Variants in USP31 observed in about 807,000 individuals in gnomAD.
USP31 encodes the protein ubiquitin carboxyl-terminal hydrolase 31.
A neutral mutation model predicts 119.4 loss-of-function variants in USP31; 44 were observed. The ratio of observed to expected loss-of-function variants is 0.37; its 90% CI spans 0.29 to 0.47. The LOEUF (loss-of-function observed/expected upper bound fraction) is 0.47, where lower values mean the gene tolerates loss of function less well. USP31 is among the 20% of genes least tolerant of loss of function. USP31 has a pLI of 0.99. For synonymous variants in USP31, 749 were observed against 705.6 expected, an observed-to-expected ratio of 1.06 and a Z score of -0.97; for missense variants, 1,643 against 1,730.2, an observed-to-expected ratio of 0.95 and a Z score of 0.89.
intron 15 of USP31, among the ~76,000 whole-genome samples, chr16:23,071,670 C>T (rs971538344): frequency 1.3e-5 from 2 of 151,934 alleles, no homozygotes; most frequent in African/African-American, 4.8e-5. Context: ...CTGGAGCCGA[C>T]TCCCCACCAC....
chr16:23,072,402 C>T (rs1294363176), intron 14 of USP31: 2 of 652,886 alleles, frequency 3.1e-6, no homozygotes, highest in East Asian at 2.7e-5. Context: ...AGGCAGACTT[C>T]CTGACGCATG....
chr16:23,111,436 A>G (rs2141879293), intron 1 of USP31, among the ~76,000 whole-genome samples: 1 of 152,306 alleles, frequency 6.6e-6, no homozygotes, highest in Non-Finnish European at 1.5e-5. Context: ...CAGAAAATAA[A>G]AAAGGAGGAA....
At chr16:23,117,891 G>A (rs911614995) in intron 1 of USP31, among the ~76,000 whole-genome samples, 5 of 152,102 alleles carry the variant, frequency 3.3e-5, no homozygotes, top group African/African-American at 1.2e-4. Context: ...CCGGGTTCAA[G>A]CAATTCTTCT....
intron 6 of USP31, among the ~76,000 whole-genome samples, chr16:23,099,900 T>C (rs550620599): frequency 2.0e-5 from 3 of 152,292 alleles, no homozygotes; most frequent in African/African-American, 4.8e-5. Context: ...AAATATGATA[T>C]ACAAATGGCC....
intron 1 of USP31, among the ~76,000 whole-genome samples, chr16:23,125,585 A>G (rs778090947): frequency 3.9e-5 from 6 of 152,218 alleles, no homozygotes. Flanking sequence ...TTGTGAAATC[A>G]TTAACTAGTA....
At chr16:23,069,712 G>GCTCCTTTCATCCCATGA in intron 15 of USP31, 96 bp from the exon 16 acceptor site, 1 of 1,453,962 alleles carries the variant, frequency 6.9e-7, no homozygotes, top group Non-Finnish European at 9.1e-7. Context: ...TAAGCCTCAT[G>GCTCCTTTCATCCCATGA]GGATGAAAGG....
chr16:23,080,065 G>C lies in USP31; in HGVS notation c.2057C>G (p.Pro686Arg). 6.2e-7 allele frequency: 1 copy of C among 1,614,068 alleles called. No individual in the cohort carries two copies. Among genetic ancestry groups the C allele is most frequent in the Non-Finnish European group, 8.5e-7 (1 of 1,179,984 alleles). ...CCGTCTCCACGGGGACCAATGCGAT[G>C]GCAAACTCCAGCTGCTCTGGCTCCT... Reference protein sequence around the residue: ...VKRSQSSWSLPSHWSPWRRPY... With the variant: ...VKRSQSSWSLRSHWSPWRRPY... The change falls in exon 13 of 16, where the codon CCA becomes CGA. Residue 686 changes from proline to arginine, a missense_variant. By Grantham distance (103) the Pro-to-Arg change is moderately radical (BLOSUM62 -2). Around this residue, in one of 5 missense-constraint regions of USP31, gnomAD observed 279 missense variants for 372.2 expected, o/e 0.75. Coordinates refer to ENST00000219689, the MANE Select transcript of USP31 (RefSeq NM_020718.4).
intron 6 of USP31, among the ~76,000 whole-genome samples, chr16:23,101,032 T>C (rs189147304): frequency 5.9e-5 from 9 of 152,266 alleles, no homozygotes; most frequent in Admixed American, 5.9e-4. Flanking sequence ...TTATGCTCCT[T>C]TCAAGGTGTT....
In USP31 at chr16:23,084,323, G is replaced by A. The variant is rs117349648; in HGVS notation, c.1830+537C>T. Among the ~76,000 whole-genome samples, 21 of 152,232 alleles carry A rather than the reference G, an allele frequency of 1.4e-4. No individual in the cohort carries two copies. In the East Asian group the frequency reaches 3.5e-3, roughly 25 times the overall value. On this transcript the variant is annotated intron_variant, in intron 11 of 15. Coordinates refer to ENST00000219689, the MANE Select transcript of USP31 (RefSeq NM_020718.4). ...TACTTACTGGGTCCCTACTACCTGC[G>A]AAGCCTTGCTGTCTACTTTCTGGTC...
Position 23,062,218 on chromosome 16 carries a change from T to C in USP31, c.*5828A>G, listed in dbSNP as rs983876040. The C allele has an allele frequency of 3.3e-5, 5 of 152,466 alleles. No individual in the cohort carries two copies. Among genetic ancestry groups the C allele is most frequent in the East Asian group, 3.8e-4 (2 of 5,202 alleles). 9.4% of individuals were successfully genotyped at this position (152,466 alleles called of 1,614,324 possible). A position where few individuals can be genotyped will look rare whatever the true frequency, so the allele number is the denominator to read the frequency against. ...AAACCATCAGATTACTTCGAAGGTG[T>C]TGTAGTGCATTCAGCTCACCACAGA... On this transcript the variant is annotated 3_prime_UTR_variant, in exon 16 of 16. Transcript: ENST00000219689.
intron 1 of USP31, among the ~76,000 whole-genome samples, chr16:23,119,487 A>G (rs1448752254): frequency 6.6e-6 from 1 of 152,206 alleles, no homozygotes; most frequent in Non-Finnish European, 1.5e-5. Flanking sequence ...CCTTAAAATG[A>G]TTTGTCCCCA....
intron 1 of USP31, among the ~76,000 whole-genome samples, chr16:23,130,418 C>T (rs868848469): frequency 4.0e-5 from 6 of 151,734 alleles, no homozygotes; most frequent in Non-Finnish European, 5.9e-5. Flanking sequence ...ACACCCCCCC[C>T]CCAACTAATA....
In USP31 at chr16:23,130,133, G is replaced by C. The variant is rs549746063; in HGVS notation, c.633+18505C>G. ...TTTCCCTGTGTTCCTCTGCCTTTCC[G>C]GGACAGGGGGGAAGATAAGATTTCA... On this transcript the variant is annotated intron_variant, in intron 1 of 15. Transcript: ENST00000219689. 4.6e-5 allele frequency among the ~76,000 whole-genome samples: 7 copies of C among 152,236 alleles called. No individual in the cohort carries two copies. The East Asian group carries it at 1.3e-3, about 29-fold the overall frequency.
At chr16:23,134,484 C>G (rs1180705191) in intron 1 of USP31, among the ~76,000 whole-genome samples, 1 of 151,828 alleles carries the variant, frequency 6.6e-6, no homozygotes, top group Non-Finnish European at 1.5e-5. Context: ...GAAATTAAGC[C>G]CAAAGAGTTA....
chr16:23,069,748 C>G, intron 15 of USP31, 132 bp from the exon 16 acceptor site: 1 of 1,249,486 alleles, frequency 8.0e-7, no homozygotes, highest in East Asian at 2.6e-5. Context: ...GCCAGCCCAT[C>G]TGGGATCAAG....
intron 4 of USP31, among the ~76,000 whole-genome samples, 198 bp downstream of exon 4, chr16:23,106,015 C>G (rs1021296400): frequency 2.0e-5 from 3 of 152,172 alleles, no homozygotes; most frequent in African/African-American, 7.2e-5. Context: ...TACACAGCCC[C>G]TGCTTGCCTC....
intron 6 of USP31, among the ~76,000 whole-genome samples, chr16:23,098,767 A>AT (rs1901725622): frequency 6.6e-6 from 1 of 152,230 alleles, no homozygotes; most frequent in Non-Finnish European, 1.5e-5. Context: ...CTGGCTAGCC[A>AT]TATGTAGAAA....
chr16:23,119,578 TACAGCTGC>T (rs1175515765), intron 1 of USP31, among the ~76,000 whole-genome samples: 1 of 152,258 alleles, frequency 6.6e-6, no homozygotes, highest in Non-Finnish European at 1.5e-5. Context: ...ACGACTGAGC[TACAGCTGC>T]ACCAACCTTG....
chr16:23,087,872 C>T (rs764424452), intron 7 of USP31, 37 bp from the exon 8 acceptor site: 24 of 1,533,472 alleles, frequency 1.6e-5, no homozygotes, highest in Middle Eastern at 1.7e-4. Context: ...CTTTAAAGTA[C>T]GGTAATTCCT....
Sources: allele counts gnomAD v4.1 joint callset (sites outside exome capture counted in the v4.1 genomes callset), GRCh38; gene constraint gnomAD v4.1.1; regional missense constraint gnomAD v4.1.1; transcripts MANE v1.5; gene names NCBI Gene and HGNC (gene_info 2026-07-23, HGNC 2026-07-21).